SLMAP: variants seen among roughly 807,000 people sequenced by gnomAD.
The protein encoded by SLMAP is sarcolemma associated protein, also known as sarcolemmal membrane-associated protein.
Under a neutral mutation model 128.8 loss-of-function variants are expected in SLMAP, and 44 were observed. That is an observed-to-expected ratio of 0.34 (90% CI 0.27 to 0.44). The LOEUF (loss-of-function observed/expected upper bound fraction) is 0.44, where lower values mean the gene tolerates loss of function less well. Among genes scored for constraint, SLMAP ranks in the 20% least tolerant of loss-of-function variants. SLMAP has a pLI of 1.00. For missense variants in SLMAP, 787 were observed against 985.3 expected (o/e 0.80, Z 2.69); for synonymous variants, 327 against 348.8 (o/e 0.94, Z 0.70).
In SLMAP at chr3:57,849,769, C is replaced by G. The variant is rs777767591; in HGVS notation, c.472C>G (p.Pro158Ala). The change falls in exon 6 of 25, where the codon CCA (proline) becomes GCA (alanine). Residue 158 changes from proline (P) to alanine (A), a missense_variant. By Grantham distance (27) the Pro-to-Ala change is conservative (BLOSUM62 -1). Transcript: ENST00000671191. ...SPVDKVAANT[P>A]SMYSQELFQL... ...TTGTTTCTAGGTTGCTGCTAACACT[C>G]CAAGTATGTACTCTCAGGAACTATT... is the stretch of plus-strand genomic sequence containing the variant. The G allele has an allele frequency of 6.4e-7, 1 of 1,572,606 alleles. No individual in the cohort carries two copies. The highest frequency in any genetic ancestry group is 8.8e-7 in the Non-Finnish European group (1 of 1,142,238).
chr3:57,756,647 C>T lies in SLMAP; in HGVS notation c.-1005C>T, dbSNP rs2077744302. 6.6e-6 allele frequency: 1 copy of T among 152,316 alleles called. No homozygotes were observed. Among genetic ancestry groups the T allele is most frequent in the Admixed American group, 6.5e-5 (1 of 15,286 alleles). The allele number at this position is 152,316 out of a possible 1,614,324, so 9.4% of individuals were successfully genotyped here. A position where few individuals can be genotyped will look rare whatever the true frequency, so the allele number is the denominator to read the frequency against. ...GATCCAGCCCGGGGCCTCAAGGCCTCTCCCCAACCTCCGGGCCAGTCTCCC... is the reference window on the plus strand; with the variant it reads ...GATCCAGCCCGGGGCCTCAAGGCCTTTCCCCAACCTCCGGGCCAGTCTCCC... On this transcript the variant is annotated 5_prime_UTR_variant, in exon 2 of 25. Transcript: ENST00000671191.
chr3:57,769,477 G>A (rs1167473761), intron 2 of SLMAP, among the ~76,000 whole-genome samples: 2 of 152,024 alleles, frequency 1.3e-5, no homozygotes, highest in Non-Finnish European at 2.9e-5. Context: ...ACAGGCATGA[G>A]CCACCGCGCC....
chr3:57,918,089 T>C (rs2096848281), intron 22 of SLMAP: 1 of 152,248 alleles, frequency 6.6e-6, no homozygotes, highest in Non-Finnish European at 1.5e-5. Flanking sequence ...TTTTTTATTT[T>C]CTTGCGGACA....
intron 6 of SLMAP, 108 bp downstream of exon 6, chr3:57,849,924 A>T (rs1226476202): frequency 2.8e-6 from 2 of 711,876 alleles, no homozygotes; most frequent in Non-Finnish European, 5.0e-6. Flanking sequence ...CTGTAATCCC[A>T]GGACTTTGGG....
intron 14 of SLMAP, among the ~76,000 whole-genome samples, chr3:57,885,909 G>A (rs535640892): frequency 1.4e-5 from 2 of 147,604 alleles, no homozygotes; most frequent in Admixed American, 1.4e-4. Context: ...TCAGCCTCCT[G>A]AGTAGCTGGG....
At chr3:57,762,367 T>C (rs965331858) in intron 2 of SLMAP, among the ~76,000 whole-genome samples, 3 of 143,614 alleles carry the variant, frequency 2.1e-5, no homozygotes, top group African/African-American at 7.8e-5. Context: ...AGACTCTGTC[T>C]CAAAAAAAAA....
At chr3:57,897,151 A>G (rs998436257) in intron 17 of SLMAP, 4 of 1,300,182 alleles carry the variant, frequency 3.1e-6, no homozygotes, top group Non-Finnish European at 4.0e-6. Context: ...TACGAGGGAC[A>G]AAGTGTTAAG....
intron 2 of SLMAP, among the ~76,000 whole-genome samples, chr3:57,758,091 G>A (rs1356400087): frequency 1.3e-5 from 2 of 152,214 alleles, no homozygotes; most frequent in East Asian, 3.9e-4. Flanking sequence ...TCTTGATAAC[G>A]TGGTCATTCC....
intron 13 of SLMAP, 107 bp from the exon 14 acceptor site, chr3:57,871,529 G>A: frequency 3.9e-6 from 3 of 763,424 alleles, no homozygotes; most frequent in East Asian, 2.6e-5. Context: ...GCCTTTATTA[G>A]TCTTACTTAG....
At chr3:57,841,762 A>G (rs2093947315) in intron 4 of SLMAP, among the ~76,000 whole-genome samples, 1 of 152,158 alleles carries the variant, frequency 6.6e-6, no homozygotes, top group African/African-American at 2.4e-5. Flanking sequence ...CCAGTGTCAC[A>G]ATCTTATAAG....
chr3:57,769,575 C>G (rs370610990), intron 2 of SLMAP, among the ~76,000 whole-genome samples: 1 of 152,120 alleles, frequency 6.6e-6, no homozygotes, highest in Non-Finnish European at 1.5e-5. Flanking sequence ...CCTCCCACCT[C>G]AGGCTCCCAA....
chr3:57,911,619 ATCCCCAATACCTGACAGCTG>A (rs2096700371), intron 19 of SLMAP, among the ~76,000 whole-genome samples: 1 of 152,212 alleles, frequency 6.6e-6, no homozygotes, highest in Non-Finnish European at 1.5e-5. Flanking sequence ...ATATTGGGGT[ATCCCCAATACCTGACAGCTG>A]TGAGCAAAAC....
intron 2 of SLMAP, among the ~76,000 whole-genome samples, chr3:57,789,245 T>C (rs2084915386): frequency 6.6e-6 from 1 of 152,082 alleles, no homozygotes; most frequent in African/African-American, 2.4e-5. Flanking sequence ...GAGATAGGTA[T>C]AGAAACCACT....
At position 57,890,069 on chromosome 3, in the gene SLMAP, C is replaced by G; in HGVS notation, c.1329C>G (p.Thr443=). The G allele has an allele frequency of 1.2e-6, 2 of 1,613,888 alleles. No homozygotes were observed. Among genetic ancestry groups the G allele is most frequent in the Non-Finnish European group, 1.7e-6 (2 of 1,179,806 alleles). The change falls in exon 15 of 25, where the codon ACC becomes ACG. Residue 443 remains threonine (T), a synonymous_variant. Coordinates refer to ENST00000671191, the MANE Select transcript of SLMAP (RefSeq NM_001377540.1). ...QKKLIVEGHL[T]KAVEETKLSK... ...AGCTGATCGTCGAAGGGCATCTAAC[C>G]AAAGCGGTAGAAGAAACAAAGCTTT...
At chr3:57,844,255 G>A (rs1186408820) in intron 4 of SLMAP, among the ~76,000 whole-genome samples, 3 of 151,958 alleles carry the variant, frequency 2.0e-5, no homozygotes, top group East Asian at 2.0e-4. Context: ...TTAGCCGGGC[G>A]TGGTGGTGAG....
At chr3:57,761,920 G>A (rs1576025053) in intron 2 of SLMAP, among the ~76,000 whole-genome samples, 1 of 151,128 alleles carries the variant, frequency 6.6e-6, no homozygotes, top group Admixed American at 6.6e-5. Context: ...GGTGGCGGGC[G>A]CCTGTAGTCC....
chr3:57,859,347 C>T (rs932190013), intron 8 of SLMAP, among the ~76,000 whole-genome samples: 1 of 148,246 alleles, frequency 6.7e-6, no homozygotes, highest in Non-Finnish European at 1.5e-5. Flanking sequence ...AAAGCGGGGG[C>T]AGTTTGAGAC....
At position 57,793,639 on chromosome 3, in the gene SLMAP, G is replaced by T. The variant is rs1052296710; in HGVS notation, c.198+35790G>T. On this transcript the variant is annotated intron_variant, in intron 2 of 24. Transcript: ENST00000671191. Reference sequence around the variant, plus strand: ...TTTCATACATTTCCAGAGTATTCTGGTTAAATTTTAGTTTTGTCCTCAACT... The same window carrying T: ...TTTCATACATTTCCAGAGTATTCTGTTTAAATTTTAGTTTTGTCCTCAACT... Among the ~76,000 whole-genome samples the T allele has an allele frequency of 3.3e-5, 5 of 152,228 alleles. No individual in the cohort carries two copies. In the Middle Eastern group the frequency reaches 0.01, roughly 311 times the overall value.
At chr3:57,819,781 G>A (rs1369772199) in intron 2 of SLMAP, among the ~76,000 whole-genome samples, 4 of 152,078 alleles carry the variant, frequency 2.6e-5, no homozygotes, top group South Asian at 4.1e-4. Flanking sequence ...TTGAGACAGG[G>A]TCTCACTCTG....
Sources: allele counts gnomAD v4.1 joint callset (sites outside exome capture counted in the v4.1 genomes callset), GRCh38; gene constraint gnomAD v4.1.1; transcripts MANE v1.5; gene names NCBI Gene and HGNC (gene_info 2026-07-23, HGNC 2026-07-21).